RYR2: variants seen among roughly 807,000 people sequenced by gnomAD.
RYR2 encodes ryanodine receptor 2.
RYR2 carries 227 observed loss-of-function variants against 601.1 expected under a neutral mutation model. The observed-to-expected ratio is 0.38, with a 90% confidence interval of 0.34 to 0.42. The LOEUF (loss-of-function observed/expected upper bound fraction) is 0.42. Among genes scored for constraint, RYR2 ranks in the 10% least tolerant of loss-of-function variants. The pLI, the probability that RYR2 is intolerant of heterozygous loss-of-function variation, is 1.00. For synonymous variants in RYR2, 2,223 were observed against 2,175.1 expected (o/e 1.02, Z -0.61); for missense variants, 4,646 against 6,156.5 (o/e 0.75, Z 8.21).
chr1:237,738,693 T>G (rs1018658006), intron 79 of RYR2, among the ~76,000 whole-genome samples: 11 of 152,144 alleles, frequency 7.2e-5, no homozygotes, highest in Non-Finnish European at 1.5e-4. Context: ...TCATTTTTTT[T>G]TATTGTTGTG....
intron 2 of RYR2, among the ~76,000 whole-genome samples, chr1:237,315,604 C>T (rs1372900216): frequency 2.0e-5 from 3 of 152,056 alleles, no homozygotes; most frequent in Non-Finnish European, 2.9e-5. Context: ...GAATATTTAA[C>T]AAAATCCATA....
chr1:237,787,238 C>G (rs1657703870), intron 91 of RYR2, among the ~76,000 whole-genome samples: 1 of 151,814 alleles, frequency 6.6e-6, no homozygotes. Context: ...TACATGTGAA[C>G]AATTAAGTGT....
chr1:237,274,126 T>C (rs1690012583), intron 2 of RYR2, among the ~76,000 whole-genome samples: 1 of 146,620 alleles, frequency 6.8e-6, no homozygotes, highest in Admixed American at 6.8e-5. Flanking sequence ...GATATGTAGG[T>C]ATTACATATG....
chr1:237,448,372 G>C (rs773192697), intron 14 of RYR2, among the ~76,000 whole-genome samples: 1 of 152,136 alleles, frequency 6.6e-6, no homozygotes, highest in Non-Finnish European at 1.5e-5. Context: ...TATACTTTGT[G>C]AGACTGATCG....
chr1:237,416,914 G>T, intron 10 of RYR2, 135 bp from the exon 11 acceptor site: 1 of 719,348 alleles, frequency 1.4e-6, no homozygotes, highest in South Asian at 1.6e-5. Flanking sequence ...ACTGTCTCCT[G>T]CCAAAAAAGT....
intron 1 of RYR2, among the ~76,000 whole-genome samples, chr1:237,216,713 G>A (rs1018173257): frequency 6.7e-6 from 1 of 149,882 alleles, no homozygotes; most frequent in Non-Finnish European, 1.5e-5. Context: ...TCCAGCTTGG[G>A]CGACACGGTA....
At chr1:237,574,606 T>C (rs1572934290) in intron 29 of RYR2, among the ~76,000 whole-genome samples, 2 of 152,134 alleles carry the variant, frequency 1.3e-5, no homozygotes, top group Admixed American at 6.5e-5. Flanking sequence ...ATACAAAATA[T>C]GAGATAAATT....
chr1:237,530,587 C>G (rs16835358), intron 25 of RYR2, 77 bp downstream of exon 25: 4 of 1,099,756 alleles, frequency 3.6e-6, no homozygotes, highest in East Asian at 2.6e-5. Flanking sequence ...GATGGACACA[C>G]AGATGCCTTG....
At chr1:237,401,793 T>C (rs1198619776) in intron 10 of RYR2, among the ~76,000 whole-genome samples, 2 of 152,126 alleles carry the variant, frequency 1.3e-5, no homozygotes, top group African/African-American at 4.8e-5. Flanking sequence ...TTTAATCGTG[T>C]GGTTTATCTT....
At chr1:237,584,838 T>C (rs1445663391) in intron 29 of RYR2, among the ~76,000 whole-genome samples, 1 of 152,014 alleles carries the variant, frequency 6.6e-6, no homozygotes, top group Non-Finnish European at 1.5e-5. Flanking sequence ...TTTTTAATTT[T>C]TTAAAATAGC....
intron 1 of RYR2, among the ~76,000 whole-genome samples, chr1:237,205,854 A>G (rs1681752670): frequency 6.6e-6 from 1 of 152,144 alleles, no homozygotes; most frequent in South Asian, 2.1e-4. Flanking sequence ...TGCATGGAGG[A>G]GGACGCCTAC....
rs55747600 is a variant in RYR2 at position 237,061,211 on chromosome 1, TTCTATCTA to T, written c.48+18677_48+18684del. ...TTAGCCTGTTTTAAAAATACGGTTGTTCTATCTATCTATCTATCTATCTATCTATCTAT... is the reference window on the plus strand; with the variant it reads ...TTAGCCTGTTTTAAAAATACGGTTGTTCTATCTATCTATCTATCTATCTAT... On this transcript the variant is annotated intron_variant, in intron 1 of 104. Transcript: ENST00000366574. Among the ~76,000 whole-genome samples, 300 of 104,278 alleles carry T rather than the reference TTCTATCTA, an allele frequency of 2.9e-3. 3 individuals are homozygous for T. Among genetic ancestry groups the T allele is most frequent in the East Asian group, 5.7e-3 (22 of 3,846 alleles). 68.4% of individuals were successfully genotyped at this position (104,278 alleles called of 152,430 possible).
At chr1:237,750,985 A>T (rs1692491061) in intron 80 of RYR2, among the ~76,000 whole-genome samples, 1 of 152,204 alleles carries the variant, frequency 6.6e-6, no homozygotes, top group Admixed American at 6.5e-5. Flanking sequence ...ATTCATGAAG[A>T]TCTAGAATTA....
intron 1 of RYR2, among the ~76,000 whole-genome samples, chr1:237,049,454 G>C (rs1558142070): frequency 6.6e-6 from 1 of 152,190 alleles, no homozygotes; most frequent in South Asian, 2.1e-4. Flanking sequence ...TTGTTTGAGA[G>C]AGGTAAAATG....
chr1:237,234,023 T>G (rs1685276276), intron 1 of RYR2, among the ~76,000 whole-genome samples: 1 of 152,116 alleles, frequency 6.6e-6, no homozygotes, highest in Non-Finnish European at 1.5e-5. Context: ...AAGGGTCAAA[T>G]TTTTGAGGAC....
intron 29 of RYR2, among the ~76,000 whole-genome samples, chr1:237,581,077 G>A (rs887269126): frequency 3.3e-5 from 5 of 152,096 alleles, no homozygotes; most frequent in African/African-American, 1.2e-4. Context: ...TATTCTTACG[G>A]GAACAGCCTT....
At chr1:237,675,950 ATCTC>A (rs1270191918) in intron 60 of RYR2, among the ~76,000 whole-genome samples, 4 of 152,156 alleles carry the variant, frequency 2.6e-5, no homozygotes, top group African/African-American at 9.6e-5. Flanking sequence ...ATAATCTGTA[ATCTC>A]TCTATGACTC....
At chr1:237,631,214 G>A (rs931030497) in intron 41 of RYR2, among the ~76,000 whole-genome samples, 10 of 152,080 alleles carry the variant, frequency 6.6e-5, no homozygotes, top group Non-Finnish European at 2.9e-5. Flanking sequence ...TATTACAATG[G>A]AAAAGAATAG....
intron 1 of RYR2, among the ~76,000 whole-genome samples, chr1:237,245,847 T>A (rs1686759550): frequency 6.6e-6 from 1 of 152,174 alleles, no homozygotes; most frequent in African/African-American, 2.4e-5. Flanking sequence ...GGTGGCACAA[T>A]CTCGGCTCAT....
Sources: gnomAD v4.1 joint callset for allele counts (sites outside exome capture counted in the v4.1 genomes callset) on GRCh38, gnomAD v4.1.1 for gene constraint, MANE v1.5 for transcripts, NCBI Gene and HGNC (gene_info 2026-07-23, HGNC 2026-07-21) for gene names.